The following ME3 variants were observed in gnomAD, a reference collection of about 807,000 sequenced individuals.
ME3 encodes malic enzyme 3.
A neutral mutation model predicts 68.9 loss-of-function variants in ME3; 48 were observed. The observed-to-expected ratio is 0.70, with a 90% confidence interval of 0.55 to 0.89. The LOEUF is 0.89. Among genes scored for constraint, ME3 ranks in the 40% least tolerant of loss-of-function variants. The probability of loss-of-function intolerance (pLI) is 0.00; values close to 1 mark genes in which losing one functional copy is unlikely to be tolerated. For synonymous variants in ME3, 320 were observed against 318.8 expected (o/e 1.00, Z -0.04); for missense variants, 675 against 797.4 (o/e 0.85, Z 1.85).
chr11:86,586,357 G>C (rs551867262), intron 2 of ME3, among the ~76,000 whole-genome samples: 1 of 152,172 alleles, frequency 6.6e-6, no homozygotes, highest in South Asian at 2.1e-4. Flanking sequence ...GGTGGGGTCC[G>C]AGGGGACAGC....
intron 11 of ME3, 42 bp downstream of exon 11, chr11:86,448,108 G>T: frequency 7.1e-7 from 1 of 1,409,628 alleles, no homozygotes; most frequent in Non-Finnish European, 1.0e-6. Context: ...CAAGTCAAGA[G>T]GGTTAGCTGG....
chr11:86,597,941 G>T (rs951499873), intron 2 of ME3, among the ~76,000 whole-genome samples: 5 of 152,030 alleles, frequency 3.3e-5, no homozygotes, highest in Non-Finnish European at 7.4e-5. Flanking sequence ...CTGGCAATTG[G>T]TTGAAAGAGT....
chr11:86,627,968 T>C (rs1297217711), intron 2 of ME3, among the ~76,000 whole-genome samples: 1 of 152,170 alleles, frequency 6.6e-6, no homozygotes, highest in Non-Finnish European at 1.5e-5. Flanking sequence ...TGCTTCCAGC[T>C]AAAGTCCCCC....
chr11:86,504,842 C>T (rs991048798), intron 5 of ME3, among the ~76,000 whole-genome samples: 2 of 151,862 alleles, frequency 1.3e-5, no homozygotes, highest in Non-Finnish European at 2.9e-5. Flanking sequence ...AGGCGCCTGC[C>T]ACCACGCCAA....
chr11:86,659,515 G>A (rs557226389), intron 2 of ME3, among the ~76,000 whole-genome samples: 157 of 152,312 alleles, frequency 1.0e-3, no homozygotes, highest in Non-Finnish European at 1.9e-3. Flanking sequence ...CTAAATGCTA[G>A]TCAAGATGAC....
chr11:86,477,739 T>C (rs936539040), intron 7 of ME3, among the ~76,000 whole-genome samples: 1 of 152,076 alleles, frequency 6.6e-6, no homozygotes, highest in Admixed American at 6.5e-5. Flanking sequence ...GGCTGGACCT[T>C]AACTAGTGAA....
chr11:86,509,355 G>C (rs999375382), intron 4 of ME3, among the ~76,000 whole-genome samples: 1 of 151,988 alleles, frequency 6.6e-6, no homozygotes, highest in Non-Finnish European at 1.5e-5. Context: ...ATGGAGCTGG[G>C]GATGGGAAGA....
chr11:86,537,349 AAATAT>A (rs1195826808), intron 4 of ME3, among the ~76,000 whole-genome samples: 5 of 151,426 alleles, frequency 3.3e-5, no homozygotes, highest in Admixed American at 1.3e-4. Flanking sequence ...AATATGCATT[AAATAT>A]AATAATTGCA....
intron 4 of ME3, among the ~76,000 whole-genome samples, chr11:86,529,802 T>A (rs12801189): frequency 6.6e-6 from 1 of 151,896 alleles, no homozygotes; most frequent in African/African-American, 2.4e-5. Context: ...CAAAATTAAA[T>A]AACCCTTCAT....
intron 2 of ME3, among the ~76,000 whole-genome samples, chr11:86,591,968 T>C (rs1012094589): frequency 6.6e-6 from 1 of 152,224 alleles, no homozygotes; most frequent in Middle Eastern, 3.4e-3. Flanking sequence ...TAAATTTCTA[T>C]TGTTTAAGCC....
intron 2 of ME3, among the ~76,000 whole-genome samples, chr11:86,653,114 A>G (rs1594792816): frequency 6.6e-6 from 1 of 152,290 alleles, no homozygotes; most frequent in South Asian, 2.1e-4. Context: ...AGAGACCTAC[A>G]AAGAGACTTA....
At chr11:86,612,308 A>G (rs1316681226) in intron 2 of ME3, among the ~76,000 whole-genome samples, 2 of 152,326 alleles carry the variant, frequency 1.3e-5, no homozygotes, top group Non-Finnish European at 2.9e-5. Flanking sequence ...TATCCAGTCT[A>G]TCATTGATGA....
intron 2 of ME3, among the ~76,000 whole-genome samples, chr11:86,581,248 G>A (rs141584926): frequency 7.3e-4 from 111 of 152,296 alleles, no homozygotes; most frequent in Middle Eastern, 3.4e-3. Flanking sequence ...GCATCCATGT[G>A]TAATTGGTAT....
intron 4 of ME3, among the ~76,000 whole-genome samples, chr11:86,511,941 C>T (rs927797018): frequency 3.3e-5 from 5 of 151,982 alleles, no homozygotes; most frequent in South Asian, 2.1e-4. Flanking sequence ...GGACTCAGTG[C>T]GCAAGAACCA....
chr11:86,511,128 A>G (rs1359861135), intron 4 of ME3, among the ~76,000 whole-genome samples: 1 of 152,140 alleles, frequency 6.6e-6, no homozygotes, highest in African/African-American at 2.4e-5. Flanking sequence ...CACGCTTCCA[A>G]TATCTGTTGC....
intron 2 of ME3, among the ~76,000 whole-genome samples, chr11:86,581,732 A>G (rs1260464610): frequency 6.6e-6 from 1 of 152,024 alleles, no homozygotes; most frequent in East Asian, 1.9e-4. Flanking sequence ...TGCATTCCCT[A>G]CTCAGCAATG....
intron 2 of ME3, among the ~76,000 whole-genome samples, chr11:86,643,300 G>A (rs1358882972): frequency 1.6e-5 from 1 of 63,070 alleles, no homozygotes; most frequent in Admixed American, 2.1e-4. Flanking sequence ...CAGGCAAACA[G>A]CAGCCCATGC....
intron 2 of ME3, among the ~76,000 whole-genome samples, chr11:86,638,355 C>G (rs1372788414): frequency 1.3e-5 from 2 of 152,064 alleles, no homozygotes; most frequent in Non-Finnish European, 2.9e-5. Context: ...TGTAATCAGA[C>G]CTTTAAATTA....
intron 2 of ME3, among the ~76,000 whole-genome samples, chr11:86,658,995 G>T (rs760019021): frequency 6.6e-6 from 1 of 152,278 alleles, no homozygotes; most frequent in East Asian, 1.9e-4. Context: ...AAAATCTACT[G>T]CCTAGAATAG....
Sources: gnomAD v4.1 joint callset for allele counts (sites outside exome capture counted in the v4.1 genomes callset) on GRCh38, gnomAD v4.1.1 for gene constraint, MANE v1.5 for transcripts, NCBI Gene and HGNC (gene_info 2026-07-23, HGNC 2026-07-21) for gene names.